CDH10: variants seen among roughly 807,000 people sequenced by gnomAD.
CDH10 encodes cadherin 10.
CDH10 carries 30 observed loss-of-function variants against 73.1 expected under a neutral mutation model. That is an observed-to-expected ratio of 0.41 (90% confidence interval 0.31 to 0.56). CDH10 has a LOEUF of 0.56. Ranked by LOEUF, CDH10 falls within the 20% of genes least tolerant of loss-of-function variation. The pLI is 0.27. For missense variants in CDH10, 815 were observed against 973.7 expected (o/e 0.84, Z 2.17); for synonymous variants, 345 against 348.2 (o/e 0.99, Z 0.10).
At chr5:24,557,325 G>A (rs182419032) in intron 2 of CDH10, among the ~76,000 whole-genome samples, 1 of 151,454 alleles carries the variant, frequency 6.6e-6, no homozygotes, top group African/African-American at 2.4e-5. Flanking sequence ...ACTAAAAAAG[G>A]TGTGATTTTT....
intron 2 of CDH10, among the ~76,000 whole-genome samples, chr5:24,581,929 A>G (rs983926499): frequency 6.6e-6 from 1 of 152,198 alleles, no homozygotes; most frequent in African/African-American, 2.4e-5. Flanking sequence ...AATGAGAATA[A>G]AAAAGATATT....
chr5:24,592,895 C>T (rs1436773309), intron 2 of CDH10, among the ~76,000 whole-genome samples: 2 of 136,060 alleles, frequency 1.5e-5, no homozygotes, highest in Admixed American at 7.9e-5. Flanking sequence ...AACTCAATAG[C>T]AATGTGAAAT....
At chr5:24,567,271 T>A (rs1745198120) in intron 2 of CDH10, among the ~76,000 whole-genome samples, 1 of 151,730 alleles carries the variant, frequency 6.6e-6, no homozygotes, top group Admixed American at 6.6e-5. Context: ...TTTACATATA[T>A]CCACCTGAGA....
chr5:24,563,597 CAAAAAA>C (rs70965616), intron 2 of CDH10, among the ~76,000 whole-genome samples: 12 of 88,722 alleles, frequency 1.4e-4, no homozygotes, highest in Admixed American at 4.2e-4. Flanking sequence ...ACTAAAAATA[CAAAAAA>C]AAAAAAAAAA....
At chr5:24,525,053 C>A (rs756867701) in intron 5 of CDH10, among the ~76,000 whole-genome samples, 1 of 151,892 alleles carries the variant, frequency 6.6e-6, no homozygotes, top group East Asian at 1.9e-4. Flanking sequence ...CGTGAGTAAG[C>A]GACTTTGGAG....
intron 2 of CDH10, among the ~76,000 whole-genome samples, chr5:24,575,896 A>AT (rs1032799220): frequency 6.6e-6 from 1 of 151,818 alleles, no homozygotes. Flanking sequence ...TTCTATAAAC[A>AT]TTTTTTTTCT....
chr5:24,526,453 G>A (rs1338433658), intron 5 of CDH10, among the ~76,000 whole-genome samples: 1 of 151,674 alleles, frequency 6.6e-6, no homozygotes, highest in Non-Finnish European at 1.5e-5. Context: ...GCACACATCA[G>A]ATTCACATGC....
chr5:24,488,652 T>C (rs938993159), intron 11 of CDH10, among the ~76,000 whole-genome samples: 5 of 152,138 alleles, frequency 3.3e-5, no homozygotes, highest in African/African-American at 9.7e-5. Flanking sequence ...TTCTGTTAAA[T>C]AGCTTTGCTG....
chr5:24,572,146 G>T (rs1424401377), intron 2 of CDH10, among the ~76,000 whole-genome samples: 1 of 152,072 alleles, frequency 6.6e-6, no homozygotes, highest in Non-Finnish European at 1.5e-5. Context: ...AGCTCTGTCT[G>T]AAGAAGAAAT....
chr5:24,541,956 A>C (rs1744171979), intron 2 of CDH10, among the ~76,000 whole-genome samples: 1 of 152,134 alleles, frequency 6.6e-6, no homozygotes, highest in African/African-American at 2.4e-5. Flanking sequence ...ATTTAATTGT[A>C]ATACATTATT....
intron 11 of CDH10, among the ~76,000 whole-genome samples, chr5:24,489,438 C>A (rs943048047): frequency 6.6e-6 from 1 of 152,064 alleles, no homozygotes; most frequent in African/African-American, 2.4e-5. Flanking sequence ...AAAGTGTATT[C>A]TTCAAGCTTT....
chr5:24,550,390 A>AT (rs1287917685), intron 2 of CDH10, among the ~76,000 whole-genome samples: 1 of 152,184 alleles, frequency 6.6e-6, no homozygotes, highest in East Asian at 1.9e-4. Flanking sequence ...TCTAAAAAAA[A>AT]ATGATGTATT....
chr5:24,609,109 C>CA (rs1051610936), intron 1 of CDH10, among the ~76,000 whole-genome samples: 24 of 152,260 alleles, frequency 1.6e-4, no homozygotes, highest in African/African-American at 5.1e-4. Flanking sequence ...AAGCTTTACT[C>CA]AAAACCTCAG....
At chr5:24,588,139 A>G (rs1429886016) in intron 2 of CDH10, among the ~76,000 whole-genome samples, 1 of 152,178 alleles carries the variant, frequency 6.6e-6, no homozygotes, top group Non-Finnish European at 1.5e-5. Context: ...ACTCATCAGG[A>G]AGATATTTAT....
intron 2 of CDH10, among the ~76,000 whole-genome samples, chr5:24,577,176 G>T (rs1299660083): frequency 2.6e-5 from 4 of 151,780 alleles, no homozygotes; most frequent in Non-Finnish European, 5.9e-5. Context: ...GAATTCTAGA[G>T]GTGAGAAAGG....
At chr5:24,527,468 C>T (rs902571757) in intron 5 of CDH10, among the ~76,000 whole-genome samples, 5 of 151,486 alleles carry the variant, frequency 3.3e-5, no homozygotes, top group Middle Eastern at 3.4e-3. Flanking sequence ...AACAGGGATA[C>T]GTTCTGAGAA....
intron 1 of CDH10, chr5:24,612,981 G>A (rs1206370312): frequency 1.3e-5 from 2 of 152,226 alleles, no homozygotes; most frequent in East Asian, 3.9e-4. Flanking sequence ...AGCCCTCTGA[G>A]AGATGTAATC....
At chr5:24,527,375 CAT>C (rs2111842309) in intron 5 of CDH10, among the ~76,000 whole-genome samples, 1 of 148,666 alleles carries the variant, frequency 6.7e-6, no homozygotes, top group African/African-American at 2.4e-5. Flanking sequence ...ATACACAAAA[CAT>C]AAACATGTAC....
chr5:24,611,384 C>A (rs941980527), intron 1 of CDH10, among the ~76,000 whole-genome samples: 1 of 151,792 alleles, frequency 6.6e-6, no homozygotes, highest in Non-Finnish European at 1.5e-5. Context: ...GAGTTTGAGA[C>A]CAGCCTGGAC....
Sources: allele counts gnomAD v4.1 joint callset (sites outside exome capture counted in the v4.1 genomes callset), GRCh38; gene constraint gnomAD v4.1.1; transcripts MANE v1.5; gene names NCBI Gene and HGNC (gene_info 2026-07-23, HGNC 2026-07-21).